The following KCNJ8 variants were observed in gnomAD, a reference collection of about 807,000 sequenced individuals.
KCNJ8 encodes ATP-sensitive inward rectifier potassium channel 8.
A neutral mutation model predicts 28.2 loss-of-function variants in KCNJ8; 13 were observed. The observed-to-expected ratio is 0.46, with a 90% CI of 0.30 to 0.73. The LOEUF (loss-of-function observed/expected upper bound fraction) is 0.73, where lower values mean the gene tolerates loss of function less well. Ranked by LOEUF, KCNJ8 falls within the 30% of genes least tolerant of loss-of-function variation. KCNJ8 has a pLI of 0.07. For missense variants in KCNJ8, 284 were observed against 542.6 expected, an observed-to-expected ratio of 0.52 and a Z score of 4.73; for synonymous variants, 188 against 195.9, an observed-to-expected ratio of 0.96 and a Z score of 0.34.
In KCNJ8 at chr12:21,766,809, T is replaced by G. The variant is rs1353171649; in HGVS notation, c.375-186A>C. On this transcript the variant is annotated intron_variant, in intron 2 of 2. Coordinates refer to ENST00000240662, the MANE Select transcript of KCNJ8 (RefSeq NM_004982.4). The surrounding 1 kb of genome is among the most constrained non-coding windows in gnomAD (Gnocchi z 6.5). ...TAGAACAGTCTCTCTCTCTCTTGCATGCATCTACCTCCAGACTTCTGGAGA... is the reference window on the plus strand; with the variant it reads ...TAGAACAGTCTCTCTCTCTCTTGCAGGCATCTACCTCCAGACTTCTGGAGA... 2 of 617,552 alleles carry G rather than the reference T, an allele frequency of 3.2e-6. No homozygotes were observed. The highest frequency in any genetic ancestry group is 5.8e-6 in the Non-Finnish European group (2 of 347,402). 38.3% of individuals were successfully genotyped at this position (617,552 alleles called of 1,614,324 possible).
chr12:21,772,943 G>C (rs1016699029), intron 2 of KCNJ8, among the ~76,000 whole-genome samples: 1 of 152,192 alleles, frequency 6.6e-6, no homozygotes, highest in African/African-American at 2.4e-5. Flanking sequence ...CGCTTTTGGA[G>C]TAAAGCACTC....
intron 2 of KCNJ8, among the ~76,000 whole-genome samples, chr12:21,768,064 A>G (rs1194404160): frequency 6.6e-6 from 1 of 151,992 alleles, no homozygotes; most frequent in Non-Finnish European, 1.5e-5. Flanking sequence ...GTGGGGGGAA[A>G]TGGTTTCGAG....
intron 2 of KCNJ8, among the ~76,000 whole-genome samples, chr12:21,770,084 C>T (rs1420528073): frequency 6.6e-6 from 1 of 152,150 alleles, no homozygotes; most frequent in Non-Finnish European, 1.5e-5. Context: ...ACAGATAAAT[C>T]TTTTGTGAAA....
At chr12:21,774,485 C>G (rs1940843367) in intron 1 of KCNJ8, 61 bp downstream of exon 1, 1 of 152,072 alleles carries the variant, frequency 6.6e-6, no homozygotes, top group Admixed American at 6.5e-5. Context: ...CATTTTAAAT[C>G]ATTTACGGGA....
chr12:21,770,345 TTACAA>T (rs1940729631), intron 2 of KCNJ8, among the ~76,000 whole-genome samples: 1 of 152,212 alleles, frequency 6.6e-6, no homozygotes, highest in South Asian at 2.1e-4. Context: ...ACTTACTAGA[TTACAA>T]TATAATATAA....
At chr12:21,771,729 A>G (rs1940760291) in intron 2 of KCNJ8, among the ~76,000 whole-genome samples, 1 of 152,188 alleles carries the variant, frequency 6.6e-6, no homozygotes, top group Non-Finnish European at 1.5e-5. Flanking sequence ...TTTTATCAGT[A>G]TCATATAATT....
At position 21,766,218 on chromosome 12, in the gene KCNJ8, A is replaced by G. The variant is rs1282906870; in HGVS notation, c.780T>C (p.Phe260=). 1 of 1,614,128 alleles carries G rather than the reference A, an allele frequency of 6.2e-7. No homozygotes were observed. ...VDNPIESNNI[F]LVAPLIICHV... Reference sequence around the variant, plus strand: ...GGCAGATGATCAAAGGGGCCACCAGAAAAATGTTATTGCTCTCGATTGGGT... The same window carrying G: ...GGCAGATGATCAAAGGGGCCACCAGGAAAATGTTATTGCTCTCGATTGGGT... The change falls in exon 3 of 3, where the codon TTT becomes TTC. Residue 260 remains phenylalanine (F), a synonymous_variant. Transcript: ENST00000240662. The surrounding 1 kb of genome is among the most constrained non-coding windows in gnomAD (Gnocchi z 6.5).
In KCNJ8 at chr12:21,774,602, G is replaced by C. The variant is rs963489939; in HGVS notation, c.-127C>G. On this transcript the variant is annotated 5_prime_UTR_variant, in exon 1 of 3. Transcript: ENST00000240662. ...CTCCTTGCACACGCCGGCGGGCCGC[G>C]GGCAGGTCCCTCGCTCTCCCATGCT... 5 of 152,220 alleles carry C rather than the reference G, an allele frequency of 3.3e-5. No individual in the cohort carries two copies. Among genetic ancestry groups the C allele is most frequent in the African/African-American group, 7.2e-5 (3 of 41,446 alleles). The allele number at this position is 152,220 out of a possible 1,614,324, so 9.4% of individuals were successfully genotyped here.
chr12:21,770,846 A>G (rs1940740498), intron 2 of KCNJ8, among the ~76,000 whole-genome samples: 1 of 152,248 alleles, frequency 6.6e-6, no homozygotes, highest in East Asian at 1.9e-4. Context: ...CCTACACATT[A>G]GCAATCTCTC....
intron 2 of KCNJ8, among the ~76,000 whole-genome samples, chr12:21,769,405 C>T (rs910891726): frequency 2.6e-5 from 4 of 152,200 alleles, no homozygotes; most frequent in African/African-American, 4.8e-5. Flanking sequence ...CTCCTAGTCA[C>T]TCAAGTGCTC....
In KCNJ8 at chr12:21,766,186, A is replaced by G; in HGVS notation, c.812T>C (p.Ile271Thr). The change falls in exon 3 of 3, where the codon ATT becomes ACT. Residue 271 changes from isoleucine to threonine, a missense_variant. Ile to Thr is a moderately conservative substitution (Grantham distance 89). This residue lies in a region of KCNJ8 where 107 missense variants were observed against 235.6 expected (regional missense o/e 0.45). Transcript: ENST00000240662. The surrounding 1 kb of genome is among the most constrained non-coding windows in gnomAD (Gnocchi z 6.5). Reference protein sequence around the residue: ...LVAPLIICHVIDKRSPLYDIS... With the variant: ...LVAPLIICHVTDKRSPLYDIS... ...GTCATACAGGGGACTGCGCTTGTCA[A>G]TCACGTGGCAGATGATCAAAGGGGC... is the stretch of plus-strand genomic sequence containing the variant. The G allele has an allele frequency of 6.2e-7, 1 of 1,614,118 alleles. No individual in the cohort carries two copies.
chr12:21,772,645 A>T (rs568095746), intron 2 of KCNJ8, among the ~76,000 whole-genome samples: 14 of 152,362 alleles, frequency 9.2e-5, no homozygotes, highest in African/African-American at 3.1e-4. Context: ...CTAGTTCTGA[A>T]TCTTAGCATA....
chr12:21,773,347 C>T lies in KCNJ8; in HGVS notation c.270G>A (p.Met90Ile). The change falls in exon 2 of 3, where the codon ATG becomes ATA. Residue 90 changes from methionine to isoleucine, a missense_variant. By Grantham distance (10) the Met-to-Ile change is conservative. Transcript: ENST00000240662. This position sits in a 1 kb window ranked among gnomAD's most constrained non-coding sequence, Gnocchi z 4.6. ...CATGGGCAAAGGCCACCAGCCACCA[C>T]ATGATAGCGAAGAGCAGCCAGCTGC... ...FLCSWLLFAI[M>I]WWLVAFAHGD... 2 of 1,614,234 alleles carry T rather than the reference C, an allele frequency of 1.2e-6. No individual in the cohort carries two copies. The highest frequency in any genetic ancestry group is 1.7e-6 in the Non-Finnish European group (2 of 1,180,044).
chr12:21,773,814 TAACCC>T lies in KCNJ8; in HGVS notation c.-70-133_-70-129del. On this transcript the variant is annotated intron_variant, in intron 1 of 2. Coordinates refer to ENST00000240662, the MANE Select transcript of KCNJ8 (RefSeq NM_004982.4). The surrounding 1 kb of genome is among the most constrained non-coding windows in gnomAD (Gnocchi z 4.6). ...GCAAAACCAAAAATGTGATTTTTAC[TAACCC>T]AAACATGAATCTAGCTTGTGCTTGA... The T allele has an allele frequency of 6.2e-6, 4 of 650,176 alleles. No homozygotes were observed. Among genetic ancestry groups the T allele is most frequent in the South Asian group, 3.8e-5 (2 of 52,456 alleles). The allele number at this position is 650,176 out of a possible 1,614,324, so 40.3% of individuals were successfully genotyped here. A position where few individuals can be genotyped will look rare whatever the true frequency, so the allele number is the denominator to read the frequency against.
At chr12:21,767,321 CCACCT>C (rs1371267099) in intron 2 of KCNJ8, among the ~76,000 whole-genome samples, 5 of 107,874 alleles carry the variant, frequency 4.6e-5, no homozygotes, top group East Asian at 2.7e-4. Flanking sequence ...CCCCCCCCCC[CCACCT>C]CCAGGCCAGG....
Position 21,765,465 on chromosome 12 carries a change from A to G in KCNJ8, c.*258T>C. On this transcript the variant is annotated 3_prime_UTR_variant, in exon 3 of 3. Transcript: ENST00000240662. ...CTTGTGTTTCAAATTGAGAGAAACG[A>G]GCATACCCACCCCTGCACATAACTT... is the stretch of plus-strand genomic sequence containing the variant. 1.9e-6 allele frequency: 1 copy of G among 520,336 alleles called. No individual in the cohort carries two copies. 32.2% of individuals were successfully genotyped at this position (520,336 alleles called of 1,614,324 possible).
rs1940594220 is a variant in KCNJ8 at position 21,765,392 on chromosome 12, T to C, written c.*331A>G. On this transcript the variant is annotated 3_prime_UTR_variant, in exon 3 of 3. Transcript: ENST00000240662. ...CAACTAAGCATTTCAAACAGACTCATTTCTTGACCAAATTTTGTGCTCAAG... is the reference window on the plus strand; with the variant it reads ...CAACTAAGCATTTCAAACAGACTCACTTCTTGACCAAATTTTGTGCTCAAG... The C allele has an allele frequency of 2.6e-6, 1 of 384,302 alleles. No homozygotes were observed. Among genetic ancestry groups the C allele is most frequent in the Non-Finnish European group, 4.9e-6 (1 of 204,606 alleles). The allele number at this position is 384,302 out of a possible 1,614,324, so 23.8% of individuals were successfully genotyped here. A position where few individuals can be genotyped will look rare whatever the true frequency, so the allele number is the denominator to read the frequency against.
chr12:21,767,833 T>C (rs1014677224), intron 2 of KCNJ8, among the ~76,000 whole-genome samples: 3 of 152,218 alleles, frequency 2.0e-5, no homozygotes, highest in African/African-American at 7.2e-5. Context: ...ATCCAGCCAG[T>C]CTATTATCAC....
chr12:21,768,083 G>C (rs1399247235), intron 2 of KCNJ8, among the ~76,000 whole-genome samples: 1 of 152,174 alleles, frequency 6.6e-6, no homozygotes, highest in African/African-American at 2.4e-5. Flanking sequence ...AGATGAAACT[G>C]TTCCACCTCA....
Sources: allele counts gnomAD v4.1 joint callset (sites outside exome capture counted in the v4.1 genomes callset), GRCh38; gene constraint gnomAD v4.1.1; regional missense constraint gnomAD v4.1.1; non-coding constraint Gnocchi (gnomAD v3.1); transcripts MANE v1.5; gene names NCBI Gene and HGNC (gene_info 2026-07-23, HGNC 2026-07-21).